LMBRD1: variants seen among roughly 807,000 people sequenced by gnomAD.
The protein encoded by LMBRD1 is LMBR1 domain containing 1, also known as lysosomal cobalamin transport escort protein LMBD1.
A neutral mutation model predicts 74.8 loss-of-function variants in LMBRD1; 64 were observed. The ratio of observed to expected loss-of-function variants is 0.86; its 90% CI spans 0.70 to 1.05. The LOEUF is 1.05. Among genes scored for constraint, LMBRD1 ranks in the 50% least tolerant of loss-of-function variants. The pLI is 0.00. For synonymous variants in LMBRD1, 204 were observed against 216.3 expected (o/e 0.94, Z 0.50); for missense variants, 652 against 645.9 (o/e 1.01, Z -0.10).
intron 5 of LMBRD1, among the ~76,000 whole-genome samples, chr6:69,744,292 A>G (rs1767170242): frequency 6.6e-6 from 1 of 152,200 alleles, no homozygotes; most frequent in African/African-American, 2.4e-5. Context: ...ATTTATGCCT[A>G]TTGTTCCATT....
chr6:69,705,406 C>CTA (rs1766230785), intron 9 of LMBRD1: 6 of 1,137,214 alleles, frequency 5.3e-6, no homozygotes, highest in Non-Finnish European at 7.8e-6. Context: ...CCACCTTTTT[C>CTA]TATACTTGCT....
At chr6:69,752,005 T>C (rs544021828) in intron 4 of LMBRD1, among the ~76,000 whole-genome samples, 20 of 152,326 alleles carry the variant, frequency 1.3e-4, no homozygotes, top group African/African-American at 4.6e-4. Flanking sequence ...TTTCAAAGAC[T>C]TAGTGTGAAG....
At chr6:69,759,667 A>T (rs546449012) in intron 3 of LMBRD1, among the ~76,000 whole-genome samples, 2 of 152,280 alleles carry the variant, frequency 1.3e-5, no homozygotes, top group African/African-American at 4.8e-5. Context: ...AAATGTATTC[A>T]TTTAACAAAT....
chr6:69,745,126 G>A (rs1220700213), intron 5 of LMBRD1, among the ~76,000 whole-genome samples: 1 of 151,154 alleles, frequency 6.6e-6, no homozygotes, highest in East Asian at 2.0e-4. Flanking sequence ...GAGCCACCAT[G>A]CCCAGCCCAC....
chr6:69,702,092 T>C, intron 9 of LMBRD1, 139 bp from the exon 10 acceptor site: 2 of 633,996 alleles, frequency 3.2e-6, no homozygotes, highest in Non-Finnish European at 5.7e-6. Flanking sequence ...TAACTTAGTA[T>C]ACAATTCCAG....
chr6:69,742,531 C>T (rs1283232545), intron 5 of LMBRD1, among the ~76,000 whole-genome samples: 1 of 152,022 alleles, frequency 6.6e-6, no homozygotes, highest in African/African-American at 2.4e-5. Context: ...TAAATGTGCA[C>T]TTTATTATCT....
chr6:69,702,599 G>A (rs1011634950), intron 9 of LMBRD1, among the ~76,000 whole-genome samples: 1 of 151,936 alleles, frequency 6.6e-6, no homozygotes, highest in Admixed American at 6.6e-5. Flanking sequence ...TAGAAAAAGA[G>A]GAAGAAAAAT....
chr6:69,793,880 C>T (rs1403391352), intron 1 of LMBRD1, among the ~76,000 whole-genome samples: 4 of 151,868 alleles, frequency 2.6e-5, no homozygotes, highest in Admixed American at 1.3e-4. Flanking sequence ...CCACCTCGCC[C>T]GGCTAATTTT....
At chr6:69,765,942 T>C (rs1765466449) in intron 3 of LMBRD1, among the ~76,000 whole-genome samples, 1 of 152,022 alleles carries the variant, frequency 6.6e-6, no homozygotes, top group African/African-American at 2.4e-5. Flanking sequence ...ATATCAATCT[T>C]ATACTTGTGA....
chr6:69,736,252 T>G lies in LMBRD1; in HGVS notation c.636+1690A>C, dbSNP rs554948751. The stretch of plus-strand genomic sequence containing the variant: ...TACTATCTTTTCAAAGATCTTTGTA[T>G]AGCAAATAGTCTTGGTAGATGCAGA... On this transcript the variant is annotated intron_variant, in intron 7 of 15. Transcript: ENST00000649934. Among the ~76,000 whole-genome samples, 17 of 152,272 alleles carry G rather than the reference T, an allele frequency of 1.1e-4. No individual in the cohort carries two copies. The South Asian group carries it at 3.3e-3, about 30-fold the overall frequency.
chr6:69,784,420 C>T (rs1417278533), intron 2 of LMBRD1, among the ~76,000 whole-genome samples: 1 of 152,212 alleles, frequency 6.6e-6, no homozygotes, highest in Non-Finnish European at 1.5e-5. Context: ...TACCTGATAA[C>T]TTCACCATAA....
chr6:69,681,525 A>C (rs1765661970), intron 14 of LMBRD1, among the ~76,000 whole-genome samples: 1 of 152,020 alleles, frequency 6.6e-6, no homozygotes, highest in African/African-American at 2.4e-5. Context: ...TTAATGTTTA[A>C]GCCACAACTG....
intron 2 of LMBRD1, among the ~76,000 whole-genome samples, chr6:69,789,685 G>A (rs1766036523): frequency 6.6e-6 from 1 of 151,880 alleles, no homozygotes; most frequent in African/African-American, 2.4e-5. Context: ...CTAAATACTG[G>A]GGCTACAACA....
rs144081856 is a variant in LMBRD1, at chr6:69,684,290, G to C, written c.1418-7749C>G. On this transcript the variant is annotated intron_variant, in intron 14 of 15. Transcript: ENST00000649934. ...AGCTGAATACATACCAAAGAACATA[G>C]AGTAAATGGTAGGCAGAAAATATGA... Among the ~76,000 whole-genome samples, 225 of 151,830 alleles carry C rather than the reference G, an allele frequency of 1.5e-3. 1 individual carries two copies. The highest frequency in any genetic ancestry group is 5.1e-3 in the African/African-American group (212 of 41,454).
At chr6:69,789,368 C>A (rs1298620258) in intron 2 of LMBRD1, among the ~76,000 whole-genome samples, 1 of 151,818 alleles carries the variant, frequency 6.6e-6, no homozygotes, top group East Asian at 1.9e-4. Flanking sequence ...ACTAAAAATA[C>A]AAAAAGAACT....
rs141578983 is a variant in LMBRD1 at position 69,736,303 on chromosome 6, C to G, written c.636+1639G>C. ...AAATATCTTTCCCTGGAGCAAAGGA[C>G]AGGCATGCTTACCATCCATTATAAA... On this transcript the variant is annotated intron_variant, in intron 7 of 15. Coordinates refer to ENST00000649934, the MANE Select transcript of LMBRD1 (RefSeq NM_018368.4). Among the ~76,000 whole-genome samples the G allele has an allele frequency of 1.4e-3, 210 of 152,202 alleles. No individual in the cohort carries two copies. The Middle Eastern group carries it at 0.017, about 12-fold the overall frequency.
intron 3 of LMBRD1, among the ~76,000 whole-genome samples, chr6:69,756,495 T>C (rs1765269230): frequency 6.6e-6 from 1 of 152,132 alleles, no homozygotes; most frequent in African/African-American, 2.4e-5. Flanking sequence ...CAATACCAAG[T>C]GTTGGCAAGA....
Position 69,768,275 on chromosome 6 carries a change from T to C in LMBRD1, c.307+12219A>G, listed in dbSNP as rs186215882. 9.5e-4 allele frequency among the ~76,000 whole-genome samples: 144 copies of C among 152,044 alleles called. No individual in the cohort carries two copies. In the Middle Eastern group the frequency reaches 0.01, roughly 11 times the overall value. Reference sequence around the variant, plus strand: ...CAGGCTTCTCCTTTACTACCTTATTTTGTATTAAAAGTTAGTTTCTACATT... The same window carrying C: ...CAGGCTTCTCCTTTACTACCTTATTCTGTATTAAAAGTTAGTTTCTACATT... On this transcript the variant is annotated intron_variant, in intron 3 of 15. Coordinates refer to ENST00000649934, the MANE Select transcript of LMBRD1 (RefSeq NM_018368.4).
At chr6:69,741,179 A>G (rs887769290) in intron 6 of LMBRD1, among the ~76,000 whole-genome samples, 5 of 152,186 alleles carry the variant, frequency 3.3e-5, no homozygotes, top group Non-Finnish European at 7.3e-5. Context: ...GTGAATTAAA[A>G]ATCACATAGA....
Sources: allele counts gnomAD v4.1 joint callset (sites outside exome capture counted in the v4.1 genomes callset), GRCh38; gene constraint gnomAD v4.1.1; transcripts MANE v1.5; gene names NCBI Gene and HGNC (gene_info 2026-07-23, HGNC 2026-07-21).